C1QTNF3: variants seen among roughly 807,000 people sequenced by gnomAD.
The protein encoded by C1QTNF3 is complement C1q tumor necrosis factor-related protein 3.
A neutral mutation model predicts 32.6 loss-of-function variants in C1QTNF3; 26 were observed. The observed-to-expected ratio is 0.80, with a 90% confidence interval of 0.58 to 1.11. The LOEUF (loss-of-function observed/expected upper bound fraction) is 1.11, where lower values mean the gene tolerates loss of function less well. Among genes scored for constraint, C1QTNF3 ranks in the 50% least tolerant of loss-of-function variants. C1QTNF3 has a pLI of 0.00. For missense variants in C1QTNF3, 362 were observed against 398.2 expected, an observed-to-expected ratio of 0.91 and a Z score of 0.77; for synonymous variants, 155 against 146.0, an observed-to-expected ratio of 1.06 and a Z score of -0.44.
chr5:34,144,595 T>C, the C1QTNF3 span, among the ~76,000 whole-genome samples: 2 of 151,850 alleles, frequency 1.3e-5, no homozygotes. Context: ...CAGAATAGAA[T>C]GCAATAAAAA....
At chr5:34,097,201 C>CAA in the C1QTNF3 span, among the ~76,000 whole-genome samples, 1 of 146,558 alleles carries the variant, frequency 6.8e-6, no homozygotes. Context: ...TTAGTAGGCA[C>CAA]AAAAAAAAAA....
the C1QTNF3 span, among the ~76,000 whole-genome samples, chr5:34,232,780 T>G: frequency 6.6e-6 from 1 of 152,204 alleles, no homozygotes; most frequent in Non-Finnish European, 1.5e-5. Flanking sequence ...TCATTCTTTA[T>G]ATCATTGTGA....
the C1QTNF3 span, among the ~76,000 whole-genome samples, chr5:34,108,483 G>A: frequency 6.6e-6 from 1 of 152,120 alleles, no homozygotes; most frequent in East Asian, 1.9e-4. Context: ...TCAGAAAATT[G>A]GTAAAAGGAG....
the C1QTNF3 span, among the ~76,000 whole-genome samples, chr5:34,177,914 C>A: frequency 1.3e-5 from 2 of 152,026 alleles, no homozygotes; most frequent in Non-Finnish European, 2.9e-5. Flanking sequence ...TGAGCCACCA[C>A]ACCCAGCACT....
the C1QTNF3 span, among the ~76,000 whole-genome samples, chr5:34,065,215 T>G: frequency 7.0e-4 from 106 of 152,174 alleles, no homozygotes; most frequent in African/African-American, 2.5e-3. Context: ...GATAACCCCA[T>G]TTAAAAATGG....
At chr5:34,116,124 C>T in the C1QTNF3 span, among the ~76,000 whole-genome samples, 1 of 152,006 alleles carries the variant, frequency 6.6e-6, no homozygotes, top group Non-Finnish European at 1.5e-5. Context: ...TTTCTTCGAC[C>T]CACTGCTTAT....
the C1QTNF3 span, among the ~76,000 whole-genome samples, chr5:34,112,678 A>G: frequency 1.3e-5 from 2 of 152,128 alleles, no homozygotes; most frequent in Non-Finnish European, 2.9e-5. Context: ...CAAAACAAAC[A>G]GACAAAAAAA....
chr5:34,022,948 T>C (rs299611), intron 5 of C1QTNF3, among the ~76,000 whole-genome samples: 67,254 of 152,026 alleles, frequency 0.44, 16,313 homozygotes, highest in South Asian at 0.68. Flanking sequence ...TTCCGCCTCC[T>C]GGGTTCATGC....
chr5:34,091,381 G>C, the C1QTNF3 span, among the ~76,000 whole-genome samples: 1 of 152,200 alleles, frequency 6.6e-6, no homozygotes. Context: ...TCATTGTTTT[G>C]TTTATTTTGT....
chr5:34,081,177 C>T, the C1QTNF3 span, among the ~76,000 whole-genome samples: 5 of 151,670 alleles, frequency 3.3e-5, no homozygotes, highest in East Asian at 1.9e-4. Context: ...ATACAGTAGG[C>T]GCAGTGCCTA....
Position 34,023,935 on chromosome 5 carries a change from A to G in C1QTNF3, c.774T>C (p.Asn258=). ...VEEVYVYLMH[N]GNTVFSMYSY... is the part of the protein sequence containing the mutation. ...TGTACATGCTGAAGACTGTGTTGCCATTGTGCATAAGGTACACATACACTT... is the reference window on the plus strand; with the variant it reads ...TGTACATGCTGAAGACTGTGTTGCCGTTGTGCATAAGGTACACATACACTT... The change falls in exon 5 of 6, where the codon AAT becomes AAC. Residue 258 remains asparagine (N), a synonymous_variant. Transcript: ENST00000382065. 6.2e-7 allele frequency: 1 copy of G among 1,614,118 alleles called. No individual in the cohort carries two copies. The highest frequency in any genetic ancestry group is 8.5e-7 in the Non-Finnish European group (1 of 1,179,988).
At chr5:34,176,391 C>T in the C1QTNF3 span, among the ~76,000 whole-genome samples, 1 of 144,612 alleles carries the variant, frequency 6.9e-6, no homozygotes, top group Non-Finnish European at 1.5e-5. Context: ...TACCCTAAAA[C>T]TTAACGTATA....
the C1QTNF3 span, among the ~76,000 whole-genome samples, chr5:34,094,082 C>T: frequency 6.6e-6 from 1 of 152,198 alleles, no homozygotes; most frequent in African/African-American, 2.4e-5. Flanking sequence ...AGAGGGTCCA[C>T]TAAGGCCCTT....
chr5:34,058,830 AG>A, the C1QTNF3 span, among the ~76,000 whole-genome samples: 1 of 152,340 alleles, frequency 6.6e-6, no homozygotes, highest in Middle Eastern at 3.4e-3. Flanking sequence ...TATTTCGATC[AG>A]TAAATCTGAG....
At chr5:34,130,573 G>C in the C1QTNF3 span, among the ~76,000 whole-genome samples, 5 of 151,754 alleles carry the variant, frequency 3.3e-5, no homozygotes, top group Non-Finnish European at 7.4e-5. Context: ...CCACCTTTGA[G>C]ATCATGCTGT....
chr5:34,120,784 T>C, the C1QTNF3 span, among the ~76,000 whole-genome samples: 4 of 152,180 alleles, frequency 2.6e-5, no homozygotes, highest in African/African-American at 7.2e-5. Context: ...CGTGAGTCCA[T>C]GAAACCTCTT....
At chr5:34,078,353 GAA>G in the C1QTNF3 span, among the ~76,000 whole-genome samples, 20 of 151,928 alleles carry the variant, frequency 1.3e-4, no homozygotes, top group African/African-American at 4.9e-4. This position sits in a 1 kb window ranked among gnomAD's most constrained non-coding sequence, Gnocchi z 4.0. Flanking sequence ...TGGGTCATTT[GAA>G]AACAAAGGAG....
chr5:34,231,682 C>T, the C1QTNF3 span, among the ~76,000 whole-genome samples: 20 of 152,090 alleles, frequency 1.3e-4, no homozygotes, highest in East Asian at 5.8e-4. Flanking sequence ...GTTGTGCAGA[C>T]GGGAAGAGTT....
chr5:34,141,184 A>G, the C1QTNF3 span, among the ~76,000 whole-genome samples: 2 of 151,874 alleles, frequency 1.3e-5, no homozygotes, highest in African/African-American at 2.4e-5. Context: ...CAGTGGCGCA[A>G]TCTTGGCTCA....
Sources: allele counts gnomAD v4.1 joint callset (sites outside exome capture counted in the v4.1 genomes callset), GRCh38; gene constraint gnomAD v4.1.1; non-coding constraint Gnocchi (gnomAD v3.1); transcripts MANE v1.5; gene names NCBI Gene and HGNC (gene_info 2026-07-23, HGNC 2026-07-21).